Variants in GRM5 observed in about 807,000 individuals in gnomAD.
The protein encoded by GRM5 is metabotropic glutamate receptor 5.
A neutral mutation model predicts 83.1 loss-of-function variants in GRM5; 19 were observed. The ratio of observed to expected loss-of-function variants is 0.23; its 90% CI spans 0.16 to 0.34. The LOEUF (loss-of-function observed/expected upper bound fraction) is 0.34, where lower values mean the gene tolerates loss of function less well. GRM5 is among the 10% of genes least tolerant of loss of function. The pLI is 1.00. For missense variants in GRM5, 1,160 were observed against 1,588.3 expected (o/e 0.73, Z 4.58); for synonymous variants, 675 against 633.6 (o/e 1.07, Z -0.98).
chr11:88,605,111 G>A (rs1938106442), intron 4 of GRM5, 147 bp from the exon 5 acceptor site: 1 of 648,090 alleles, frequency 1.5e-6, no homozygotes, highest in African/African-American at 1.8e-5. Context: ...CTGAGAAACA[G>A]TACCAACATA....
Position 88,608,686 on chromosome 11 carries a change from A to AT in GRM5, c.1148-3723dup, listed in dbSNP as rs549831939. 5.7e-3 allele frequency among the ~76,000 whole-genome samples: 867 copies of AT among 151,194 alleles called. 7 individuals carry two copies. Among genetic ancestry groups the AT allele is most frequent in the Non-Finnish European group, 7.4e-3 (499 of 67,732 alleles). The stretch of plus-strand genomic sequence containing the variant: ...GGAACCTGCCACCATGCCCGGGTAC[A>AT]TTTTTTTGTATTTTTAGTAGAGACG... On this transcript the variant is annotated intron_variant, in intron 4 of 9. Coordinates refer to ENST00000305447, the MANE Select transcript of GRM5 (RefSeq NM_001143831.3).
chr11:88,720,803 T>TGTGTGTGTGTGTGC (rs1941515907), intron 3 of GRM5, among the ~76,000 whole-genome samples: 1 of 129,830 alleles, frequency 7.7e-6, no homozygotes, highest in African/African-American at 3.0e-5. Context: ...ACTCTGTGTG[T>TGTGTGTGTGTGTGC]GTGTGTGTGT....
At chr11:88,917,024 C>A (rs1196126091) in intron 2 of GRM5, among the ~76,000 whole-genome samples, 1 of 152,122 alleles carries the variant, frequency 6.6e-6, no homozygotes, top group African/African-American at 2.4e-5. Context: ...CACCATAGGC[C>A]TTGGGCAAGA....
chr11:88,710,730 G>A (rs192490000), intron 3 of GRM5, among the ~76,000 whole-genome samples: 42 of 152,074 alleles, frequency 2.8e-4, no homozygotes, highest in Admixed American at 1.9e-3. Context: ...GTGCATGCAT[G>A]CGTGTTTGTT....
chr11:89,036,285 C>T (rs1288772397), intron 2 of GRM5, among the ~76,000 whole-genome samples: 1 of 152,004 alleles, frequency 6.6e-6, no homozygotes, highest in Non-Finnish European at 1.5e-5. Context: ...AAGCACCCTA[C>T]CTTTTTCGTG....
intron 3 of GRM5, among the ~76,000 whole-genome samples, chr11:88,730,717 A>G (rs540052800): frequency 6.6e-5 from 10 of 152,322 alleles, no homozygotes; most frequent in Admixed American, 6.5e-4. Flanking sequence ...TGTCCTTTGC[A>G]GAGACATGGA....
intron 2 of GRM5, among the ~76,000 whole-genome samples, chr11:89,031,629 G>A (rs1941265489): frequency 6.6e-6 from 1 of 151,902 alleles, no homozygotes; most frequent in African/African-American, 2.4e-5. Context: ...TATGTATATA[G>A]CTGCTTTTTT....
At chr11:89,042,519 A>G (rs1347746952) in intron 2 of GRM5, among the ~76,000 whole-genome samples, 3 of 152,362 alleles carry the variant, frequency 2.0e-5, no homozygotes, top group African/African-American at 7.2e-5. Context: ...TATGGAATGA[A>G]TAGTAATTTA....
intron 1 of GRM5, among the ~76,000 whole-genome samples, chr11:89,062,126 T>C (rs559978371): frequency 4.5e-4 from 68 of 152,324 alleles, no homozygotes; most frequent in Admixed American, 1.1e-3. Context: ...CCTAAACCAA[T>C]GGCATGTTTA....
Position 88,831,581 on chromosome 11 carries a change from C to G in GRM5, c.911+18325G>C, listed in dbSNP as rs374245063. 4.1e-4 allele frequency among the ~76,000 whole-genome samples: 62 copies of G among 152,320 alleles called. 1 individual carries two copies. The highest frequency in any genetic ancestry group is 1.5e-3 in the African/African-American group (62 of 41,566). On this transcript the variant is annotated intron_variant, in intron 3 of 9. Transcript: ENST00000305447. ...CCATTCAAGTATCCCTCACCCAGTGCCTGAACATGTCACTTGGCATCTGGG... is the reference window on the plus strand; with the variant it reads ...CCATTCAAGTATCCCTCACCCAGTGGCTGAACATGTCACTTGGCATCTGGG...
At chr11:88,678,637 G>A (rs1182080171) in intron 3 of GRM5, among the ~76,000 whole-genome samples, 1 of 152,030 alleles carries the variant, frequency 6.6e-6, no homozygotes, top group Non-Finnish European at 1.5e-5. Flanking sequence ...TGCCATAAGA[G>A]TTGAGAAAAA....
chr11:88,541,378 A>G (rs1942262972), intron 8 of GRM5, among the ~76,000 whole-genome samples: 1 of 152,222 alleles, frequency 6.6e-6, no homozygotes, highest in African/African-American at 2.4e-5. Flanking sequence ...TGATAAGCTA[A>G]TGCATGAAGT....
At chr11:88,775,309 C>A (rs1162518558) in intron 3 of GRM5, among the ~76,000 whole-genome samples, 1 of 151,894 alleles carries the variant, frequency 6.6e-6, no homozygotes, top group African/African-American at 2.4e-5. Flanking sequence ...TTTTTTATTG[C>A]ATCTATTTGA....
intron 3 of GRM5, among the ~76,000 whole-genome samples, chr11:88,721,606 C>T (rs540287009): frequency 6.6e-6 from 1 of 152,178 alleles, no homozygotes; most frequent in African/African-American, 2.4e-5. Context: ...TAAACATCTC[C>T]AGATTCATAC....
intron 4 of GRM5, among the ~76,000 whole-genome samples, chr11:88,623,221 G>A (rs1938691306): frequency 6.6e-6 from 1 of 152,086 alleles, no homozygotes. Flanking sequence ...GAGTAGCTGG[G>A]ATTATAGCTG....
intron 9 of GRM5, among the ~76,000 whole-genome samples, chr11:88,517,246 C>A (rs1941545612): frequency 1.3e-5 from 2 of 151,718 alleles, no homozygotes; most frequent in Admixed American, 6.6e-5. Context: ...ATTAAATTGA[C>A]TACAAAACTG....
intron 9 of GRM5, among the ~76,000 whole-genome samples, chr11:88,519,433 T>C (rs1451191872): frequency 6.6e-6 from 1 of 151,910 alleles, no homozygotes; most frequent in Non-Finnish European, 1.5e-5. Context: ...ATTTTTTTCC[T>C]GGGTGGCTGA....
chr11:89,003,262 C>T (rs1310271721), intron 2 of GRM5, among the ~76,000 whole-genome samples: 6 of 152,150 alleles, frequency 3.9e-5, no homozygotes, highest in South Asian at 2.1e-4. Context: ...GGTATTAAAA[C>T]CGGACGGATA....
At chr11:88,780,513 A>G (rs1047737764) in intron 3 of GRM5, among the ~76,000 whole-genome samples, 2 of 152,120 alleles carry the variant, frequency 1.3e-5, no homozygotes, top group African/African-American at 4.8e-5. Context: ...CAACTGAAAA[A>G]TGGGGATAAT....
Sources: allele counts gnomAD v4.1 joint callset (sites outside exome capture counted in the v4.1 genomes callset), GRCh38; gene constraint gnomAD v4.1.1; transcripts MANE v1.5; gene names NCBI Gene and HGNC (gene_info 2026-07-23, HGNC 2026-07-21).